SEMA3A: variants seen among roughly 807,000 people sequenced by gnomAD.
The protein encoded by SEMA3A is semaphorin 3A.
In SEMA3A, 29 loss-of-function variants were observed where a neutral mutation model predicts 97.9. The observed-to-expected ratio is 0.30, with a 90% CI of 0.22 to 0.40. The LOEUF is 0.40. Among genes scored for constraint, SEMA3A ranks in the 10% least tolerant of loss-of-function variants. The pLI, the probability that SEMA3A is intolerant of heterozygous loss-of-function variation, is 1.00. For synonymous variants in SEMA3A, 321 were observed against 323.7 expected (o/e 0.99, Z 0.09); for missense variants, 763 against 951.3 (o/e 0.80, Z 2.60).
At chr7:84,489,078 GAGGTTTAATTGACTCACA>G in intron 1 of SEMA3A, 1 of 152,220 alleles carries the variant, frequency 6.6e-6, no homozygotes, top group Non-Finnish European at 1.5e-5. Flanking sequence ...AAAAAGAAAA[GAGGTTTAATTGACTCACA>G]GTTCCACATG....
chr7:84,055,458 C>T (rs537682407), intron 5 of SEMA3A, among the ~76,000 whole-genome samples: 67 of 152,180 alleles, frequency 4.4e-4, no homozygotes, highest in African/African-American at 1.6e-3. Context: ...GTGGGAGTGA[C>T]CCGATTTTCC....
intron 3 of SEMA3A, among the ~76,000 whole-genome samples, chr7:84,114,615 G>A (rs1795371452): frequency 6.6e-6 from 1 of 152,002 alleles, no homozygotes; most frequent in African/African-American, 2.4e-5. Flanking sequence ...AAGTTAATCT[G>A]TTGACTTTCT....
At chr7:84,269,826 T>G (rs906465416) in intron 3 of SEMA3A, among the ~76,000 whole-genome samples, 18 of 152,122 alleles carry the variant, frequency 1.2e-4, no homozygotes, top group Middle Eastern at 3.2e-3. Flanking sequence ...TAATTTAGTG[T>G]TTTTGGCATA....
chr7:84,221,826 T>C (rs1408666492), intron 3 of SEMA3A, among the ~76,000 whole-genome samples: 1 of 151,986 alleles, frequency 6.6e-6, no homozygotes, highest in Non-Finnish European at 1.5e-5. Context: ...TCTAAAAGTT[T>C]GAAATATTGC....
At chr7:84,144,007 A>G (rs1334623671) in intron 1 of SEMA3A, among the ~76,000 whole-genome samples, 8 of 146,688 alleles carry the variant, frequency 5.5e-5, no homozygotes, top group African/African-American at 1.5e-4. Context: ...TTTATTGTGT[A>G]TGCATTATCC....
At chr7:83,997,177 T>C (rs1419052104) in intron 12 of SEMA3A, among the ~76,000 whole-genome samples, 1 of 152,202 alleles carries the variant, frequency 6.6e-6, no homozygotes, top group Non-Finnish European at 1.5e-5. Flanking sequence ...ACTGGTTGGG[T>C]AACATTAAAT....
At chr7:84,408,220 C>G (rs545812517) in intron 1 of SEMA3A, among the ~76,000 whole-genome samples, 1 of 152,000 alleles carries the variant, frequency 6.6e-6, no homozygotes, top group Non-Finnish European at 1.5e-5. Context: ...ACCCCATCAA[C>G]AAGTGGGTGA....
intron 6 of SEMA3A, among the ~76,000 whole-genome samples, chr7:84,029,806 C>CAT (rs200455553): frequency 1.2e-5 from 1 of 86,444 alleles, no homozygotes; most frequent in African/African-American, 4.2e-5. Flanking sequence ...ACATCCCTTC[C>CAT]ATATACACAC....
intron 2 of SEMA3A, among the ~76,000 whole-genome samples, chr7:84,308,641 T>A (rs1801228290): frequency 6.6e-6 from 1 of 152,076 alleles, no homozygotes; most frequent in Non-Finnish European, 1.5e-5. Flanking sequence ...GGTGGAAGAC[T>A]TCTCTAAGGG....
chr7:84,280,505 C>T (rs994555880), intron 3 of SEMA3A, among the ~76,000 whole-genome samples: 14 of 151,988 alleles, frequency 9.2e-5, no homozygotes, highest in African/African-American at 2.2e-4. Flanking sequence ...GTATAGTGGC[C>T]GGGCATGGTG....
intron 5 of SEMA3A, among the ~76,000 whole-genome samples, chr7:84,049,764 G>A (rs539230082): frequency 3.0e-4 from 45 of 150,450 alleles, no homozygotes; most frequent in Non-Finnish European, 5.9e-4. Context: ...TGCACAATGT[G>A]CAGGTTAGTT....
chr7:84,085,096 T>G (rs969644376), intron 4 of SEMA3A, among the ~76,000 whole-genome samples: 1 of 152,068 alleles, frequency 6.6e-6, no homozygotes, highest in African/African-American at 2.4e-5. Flanking sequence ...ATACATACAT[T>G]TAGAAAGGGA....
At chr7:84,174,444 A>G (rs1797497234) in intron 1 of SEMA3A, among the ~76,000 whole-genome samples, 1 of 152,234 alleles carries the variant, frequency 6.6e-6, no homozygotes, top group Non-Finnish European at 1.5e-5. Context: ...AGTCTCAACC[A>G]GCAATCATTT....
At position 83,980,625 on chromosome 7, in the gene SEMA3A, T is replaced by A. The variant is rs200981338; in HGVS notation, c.1652+696A>T. On this transcript the variant is annotated intron_variant, in intron 14 of 16. Transcript: ENST00000265362. ...TCTCAAAAAAAAAAAAAAAAAAAAA[T>A]ATATATATATATATACACACACACA... Among the ~76,000 whole-genome samples, 412 of 50,206 alleles carry A rather than the reference T, an allele frequency of 8.2e-3. 4 individuals are homozygous for A. The highest frequency in any genetic ancestry group is 0.012 in the Non-Finnish European group (286 of 22,994). The allele number at this position is 50,206 out of a possible 152,430, so 32.9% of individuals were successfully genotyped here.
At chr7:84,252,397 C>T (rs1799628935) in intron 3 of SEMA3A, among the ~76,000 whole-genome samples, 1 of 152,146 alleles carries the variant, frequency 6.6e-6, no homozygotes, top group East Asian at 1.9e-4. Flanking sequence ...GCAAACCACG[C>T]AATAACACAG....
chr7:84,242,677 T>C (rs1363789070), intron 3 of SEMA3A, among the ~76,000 whole-genome samples: 4 of 152,122 alleles, frequency 2.6e-5, no homozygotes, highest in Non-Finnish European at 4.4e-5. Context: ...CTATGTTGAA[T>C]AGGAGTGGTA....
At chr7:84,397,958 CA>C (rs1803782083) in intron 1 of SEMA3A, among the ~76,000 whole-genome samples, 2 of 151,924 alleles carry the variant, frequency 1.3e-5, no homozygotes, top group Non-Finnish European at 2.9e-5. Flanking sequence ...CATAGTAAAC[CA>C]AAATATTACT....
intron 14 of SEMA3A, among the ~76,000 whole-genome samples, chr7:83,978,132 A>G (rs1789242015): frequency 1.3e-5 from 2 of 152,108 alleles, no homozygotes. Context: ...AAAACAGTTT[A>G]TTTTATGATC....
intron 1 of SEMA3A, among the ~76,000 whole-genome samples, chr7:84,417,267 A>C (rs967453810): frequency 2.6e-5 from 4 of 152,114 alleles, no homozygotes; most frequent in Non-Finnish European, 4.4e-5. Context: ...TAAATATAGA[A>C]AGCTACAGTG....
Sources: gnomAD v4.1 joint callset for allele counts (sites outside exome capture counted in the v4.1 genomes callset) on GRCh38, gnomAD v4.1.1 for gene constraint, MANE v1.5 for transcripts, NCBI Gene and HGNC (gene_info 2026-07-23, HGNC 2026-07-21) for gene names.